The following MAST2 variants were observed in gnomAD, a reference collection of about 807,000 sequenced individuals.
MAST2 encodes the protein microtubule associated serine/threonine kinase 2.
A neutral mutation model predicts 147.4 loss-of-function variants in MAST2; 70 were observed. That is an observed-to-expected ratio of 0.47 (90% confidence interval 0.39 to 0.58). MAST2 has a LOEUF of 0.58. Among genes scored for constraint, MAST2 ranks in the 20% least tolerant of loss-of-function variants. The probability of loss-of-function intolerance (pLI) is 0.00; values close to 1 mark genes in which losing one functional copy is unlikely to be tolerated. For missense variants in MAST2, 2,080 were observed against 2,302.3 expected, an observed-to-expected ratio of 0.90 and a Z score of 1.98; for synonymous variants, 869 against 896.8, an observed-to-expected ratio of 0.97 and a Z score of 0.55.
In MAST2 at chr1:45,824,576, A is replaced by G. The variant is rs376069169; in HGVS notation, c.321A>G (p.Leu107=). Residue 107 remains leucine (L), a synonymous_variant, in exon 2 of 29, where the codon CTA becomes CTG. Coordinates refer to ENST00000361297, the MANE Select transcript of MAST2 (RefSeq NM_015112.3). The stretch of plus-strand genomic sequence containing the variant: ...GGAGAGGAAACCTGGCCAGCTCTCT[A>G]TCGGGTAAATATCTGATTTTGTTGT... ...KLWRGNLASS[L]SGKQLLPLSS... 2.3e-5 allele frequency: 37 copies of G among 1,587,996 alleles called. No individual in the cohort carries two copies. The highest frequency in any genetic ancestry group is 3.1e-5 in the Non-Finnish European group (36 of 1,164,292).
At chr1:45,839,803 T>C (rs75673655) in intron 3 of MAST2, among the ~76,000 whole-genome samples, 11 of 152,330 alleles carry the variant, frequency 7.2e-5, no homozygotes, top group Non-Finnish European at 1.5e-4. Flanking sequence ...ATCGGGTCAG[T>C]GTGATTATTG....
chr1:45,839,204 C>A (rs1645198593), intron 3 of MAST2, among the ~76,000 whole-genome samples: 1 of 148,722 alleles, frequency 6.7e-6, no homozygotes, highest in Non-Finnish European at 1.5e-5. Flanking sequence ...TCTCAGCTCA[C>A]TGCGACCTCC....
chr1:46,020,240 C>T (rs897375456), intron 11 of MAST2, among the ~76,000 whole-genome samples: 7 of 152,180 alleles, frequency 4.6e-5, no homozygotes, highest in Admixed American at 4.6e-4. Flanking sequence ...CTTTAGTCTT[C>T]CCTGGAAGGA....
chr1:45,924,417 A>G (rs1422538135), intron 4 of MAST2, among the ~76,000 whole-genome samples: 3 of 152,208 alleles, frequency 2.0e-5, no homozygotes, highest in Non-Finnish European at 4.4e-5. Flanking sequence ...AACAATGTGC[A>G]TAAGTGAAGA....
intron 4 of MAST2, among the ~76,000 whole-genome samples, chr1:45,939,053 A>AT (rs1324729874): frequency 3.3e-5 from 5 of 149,432 alleles, no homozygotes; most frequent in Admixed American, 6.6e-5. Flanking sequence ...AAAATTGATA[A>AT]TTTTTTATTT....
chr1:45,838,379 C>G (rs1189532122), intron 3 of MAST2, among the ~76,000 whole-genome samples: 2 of 151,610 alleles, frequency 1.3e-5, no homozygotes, highest in African/African-American at 4.8e-5. Context: ...ACCACCATGC[C>G]TGGCTAATTT....
intron 17 of MAST2, 44 bp downstream of exon 17, chr1:46,027,907 C>A: frequency 6.2e-7 from 1 of 1,608,138 alleles, no homozygotes. Context: ...ATTCTAGGCC[C>A]TTGTCCTGGC....
At position 46,022,067 on chromosome 1, in the gene MAST2, C is replaced by T. The variant is rs373868848; in HGVS notation, c.1408C>T (p.Arg470Trp). 1.5e-5 allele frequency: 25 copies of T among 1,613,976 alleles called. No individual in the cohort carries two copies. Among genetic ancestry groups the T allele is most frequent in the African/African-American group, 4.0e-5 (3 of 74,920 alleles). Reference sequence around the variant, plus strand: ...CATCGTTAGCCAGCTGGGCCTCACCCGGGATCCCCTAGAAGGTGAGCATGC... The same window carrying T: ...CATCGTTAGCCAGCTGGGCCTCACCTGGGATCCCCTAGAAGGTGAGCATGC... Reference protein sequence around the residue: ...RYIVSQLGLTRDPLEEMAQLS... With the variant: ...RYIVSQLGLTWDPLEEMAQLS... Residue 470 changes from arginine to tryptophan, a missense_variant, in exon 12 of 29, where the codon CGG (arginine) becomes TGG (tryptophan). Physicochemically the swap from Arg to Trp is moderately radical, Grantham distance 101. This residue lies in a region of MAST2 where 569 missense variants were observed against 642.5 expected (regional missense o/e 0.89). Coordinates refer to ENST00000361297, the MANE Select transcript of MAST2 (RefSeq NM_015112.3).
At chr1:46,022,152 G>T in intron 12 of MAST2, 70 bp downstream of exon 12, 1 of 1,588,278 alleles carries the variant, frequency 6.3e-7, no homozygotes, top group Non-Finnish European at 8.6e-7. Context: ...CAGGGAAGCT[G>T]CTTGGAAAAG....
chr1:45,874,157 TA>T (rs1033035712), intron 3 of MAST2, among the ~76,000 whole-genome samples: 1 of 152,200 alleles, frequency 6.6e-6, no homozygotes, highest in African/African-American at 2.4e-5. Context: ...ATTTGACTTT[TA>T]CAACTGCTGT....
intron 3 of MAST2, among the ~76,000 whole-genome samples, chr1:45,873,952 C>T (rs901629505): frequency 9.9e-5 from 15 of 152,184 alleles, no homozygotes; most frequent in African/African-American, 3.6e-4. Context: ...CCCTGAGTAG[C>T]TGGGACTGCT....
chr1:45,957,727 A>C (rs575090603), intron 4 of MAST2, among the ~76,000 whole-genome samples: 2 of 152,290 alleles, frequency 1.3e-5, no homozygotes, highest in Admixed American at 6.5e-5. Context: ...GAGAGTGAGC[A>C]AACACATTAC....
At chr1:45,859,492 T>C (rs953292039) in intron 3 of MAST2, among the ~76,000 whole-genome samples, 1 of 152,070 alleles carries the variant, frequency 6.6e-6, no homozygotes, top group African/African-American at 2.4e-5. Context: ...TGCCAAGGCA[T>C]GAAGCAGTGA....
chr1:46,016,855 C>T, intron 10 of MAST2, among the ~76,000 whole-genome samples: 1 of 152,202 alleles, frequency 6.6e-6, no homozygotes, highest in South Asian at 2.1e-4. Context: ...AAAAAAGAGC[C>T]CGCATCGCCA....
Position 46,032,383 on chromosome 1 carries a change from C to T in MAST2, c.3393C>T (p.Tyr1131=), listed in dbSNP as rs758244155. ...TCTACATGGGTGACTCCGATGTCTACACCGTGCACCATATGGTGTGGGTAT... is the reference window on the plus strand; with the variant it reads ...TCTACATGGGTGACTCCGATGTCTATACCGTGCACCATATGGTGTGGGTAT... The part of the protein sequence containing the change: ...IRVYMGDSDV[Y]TVHHMVWHVE... Residue 1131 remains tyrosine (Y), a synonymous_variant, in exon 25 of 29, where the codon TAC becomes TAT. Transcript: ENST00000361297. The T allele has an allele frequency of 3.1e-6, 5 of 1,614,228 alleles. No homozygotes were observed. The highest frequency in any genetic ancestry group is 2.2e-5 in the East Asian group (1 of 44,890).
chr1:45,880,995 G>A (rs1157858590), intron 3 of MAST2, among the ~76,000 whole-genome samples: 3 of 146,996 alleles, frequency 2.0e-5, no homozygotes, highest in Non-Finnish European at 4.5e-5. Context: ...AAAGAAAAAA[G>A]CAAATCTATA....
intron 3 of MAST2, among the ~76,000 whole-genome samples, chr1:45,861,024 C>G (rs962268269): frequency 6.6e-6 from 1 of 152,168 alleles, no homozygotes; most frequent in Non-Finnish European, 1.5e-5. Flanking sequence ...CTCTAGGTAA[C>G]CTCCTCACTA....
At chr1:46,024,074 T>C (rs775817300) in intron 15 of MAST2, 94 bp downstream of exon 15, 2 of 1,233,452 alleles carry the variant, frequency 1.6e-6, no homozygotes, top group South Asian at 2.5e-5. Flanking sequence ...GAGGTGAAGT[T>C]TCAGGGCCCA....
At chr1:45,964,683 A>AT (rs1352415829) in intron 5 of MAST2, among the ~76,000 whole-genome samples, 12 of 152,040 alleles carry the variant, frequency 7.9e-5, no homozygotes, top group African/African-American at 2.4e-4. Context: ...GGATTCACTG[A>AT]TTTTTTTGAA....
Sources: gnomAD v4.1 joint callset for allele counts (sites outside exome capture counted in the v4.1 genomes callset) on GRCh38, gnomAD v4.1.1 for gene constraint, gnomAD v4.1.1 regional missense constraint, MANE v1.5 for transcripts, NCBI Gene and HGNC (gene_info 2026-07-23, HGNC 2026-07-21) for gene names.